Variants in KAZN observed in about 807,000 individuals in gnomAD.
KAZN encodes kazrin, periplakin interacting protein, also known as kazrin.
Under a neutral mutation model 87.4 loss-of-function variants are expected in KAZN, and 40 were observed. That is an observed-to-expected ratio of 0.46 (90% CI 0.36 to 0.60). The LOEUF is 0.60. Ranked by LOEUF, KAZN falls within the 20% of genes least tolerant of loss-of-function variation. The probability of loss-of-function intolerance (pLI) is 0.00; values close to 1 mark genes in which losing one functional copy is unlikely to be tolerated. For missense variants in KAZN, 898 were observed against 1,073.9 expected (o/e 0.84, Z 2.29); for synonymous variants, 466 against 458.3 (o/e 1.02, Z -0.22).
intron 1 of KAZN, among the ~76,000 whole-genome samples, chr1:14,707,489 C>T (rs1484962669): frequency 2.0e-5 from 3 of 152,222 alleles, no homozygotes; most frequent in Non-Finnish European, 4.4e-5. Context: ...CTTAAAAGGT[C>T]TCTTTCTGGA....
chr1:15,040,682 C>T (rs1408063202), intron 3 of KAZN, among the ~76,000 whole-genome samples: 3 of 151,972 alleles, frequency 2.0e-5, no homozygotes, highest in African/African-American at 4.8e-5. Context: ...AGGAGAATTG[C>T]TTGGACCCGG....
chr1:14,849,914 A>C (rs1264260476), intron 1 of KAZN, among the ~76,000 whole-genome samples: 1 of 150,118 alleles, frequency 6.7e-6, no homozygotes, highest in Non-Finnish European at 1.5e-5. Context: ...AAAGAAAGGC[A>C]CTTGGGTAGA....
At chr1:14,356,043 C>T (rs1658995831) in intron 2 of KAZN, among the ~76,000 whole-genome samples, 1 of 152,212 alleles carries the variant, frequency 6.6e-6, no homozygotes, top group African/African-American at 2.4e-5. Context: ...TACACTCCCA[C>T]CAATGGTGTA....
At chr1:14,740,319 C>T (rs1644052514) in intron 1 of KAZN, among the ~76,000 whole-genome samples, 1 of 152,210 alleles carries the variant, frequency 6.6e-6, no homozygotes, top group Non-Finnish European at 1.5e-5. Flanking sequence ...TAAACCGATG[C>T]AGAGAAAACT....
intron 2 of KAZN, among the ~76,000 whole-genome samples, chr1:14,502,042 A>G (rs1019067321): frequency 6.6e-5 from 10 of 152,168 alleles, no homozygotes; most frequent in Admixed American, 5.2e-4. Flanking sequence ...GTTAGTGGTG[A>G]TGGTTGCACT....
At chr1:14,288,529 C>T (rs1338824701) in intron 2 of KAZN, among the ~76,000 whole-genome samples, 1 of 152,122 alleles carries the variant, frequency 6.6e-6, no homozygotes, top group Non-Finnish European at 1.5e-5. Context: ...GTGATATCCC[C>T]TTTGTCATTT....
At chr1:14,546,867 G>A (rs1284420032) in intron 2 of KAZN, among the ~76,000 whole-genome samples, 1 of 152,108 alleles carries the variant, frequency 6.6e-6, no homozygotes, top group Non-Finnish European at 1.5e-5. Context: ...TGAAAACATT[G>A]TAACTGAAGT....
intron 13 of KAZN, among the ~76,000 whole-genome samples, chr1:15,109,723 ATATCTGTGTG>A: frequency 6.9e-6 from 1 of 144,144 alleles, no homozygotes; most frequent in Non-Finnish European, 1.5e-5. Context: ...TTGTGTGTAT[ATATCTGTGTG>A]TATGTGTGTT....
At chr1:15,050,116 T>G (rs1573188147) in intron 4 of KAZN, among the ~76,000 whole-genome samples, 1 of 72,270 alleles carries the variant, frequency 1.4e-5, no homozygotes, top group Non-Finnish European at 2.4e-5. Context: ...TAGAGTAGAG[T>G]AGTAGAGTAG....
At chr1:14,834,437 C>CTG (rs1039898322) in intron 1 of KAZN, among the ~76,000 whole-genome samples, 1 of 148,402 alleles carries the variant, frequency 6.7e-6, no homozygotes, top group African/African-American at 2.5e-5. Context: ...TCTCGGCTCA[C>CTG]TGCAAGCTCC....
chr1:15,060,514 G>C, intron 6 of KAZN: 1 of 645,966 alleles, frequency 1.5e-6, no homozygotes, highest in Non-Finnish European at 2.6e-6. Flanking sequence ...TTGTGTCCGG[G>C]AGGGTGAGGA....
At chr1:14,127,836 G>A (rs765337776) in intron 1 of KAZN, among the ~76,000 whole-genome samples, 5 of 152,258 alleles carry the variant, frequency 3.3e-5, no homozygotes, top group South Asian at 2.1e-4. Flanking sequence ...GAGAGGAGAC[G>A]TGGGCACTTG....
At chr1:15,026,094 C>T (rs751301038) in intron 2 of KAZN, among the ~76,000 whole-genome samples, 26 of 152,230 alleles carry the variant, frequency 1.7e-4, no homozygotes, top group Admixed American at 1.0e-3. Flanking sequence ...TTGCTGCCCT[C>T]GACTGGCCCT....
At chr1:15,058,033 T>C (rs1638458448) in intron 5 of KAZN, among the ~76,000 whole-genome samples, 2 of 152,314 alleles carry the variant, frequency 1.3e-5, no homozygotes, top group South Asian at 4.1e-4. Context: ...CACCCCCTCC[T>C]CCAGGAAGCC....
intron 4 of KAZN, among the ~76,000 whole-genome samples, chr1:15,048,612 C>CTGATCCTGGGTCGTCGGTCCTGGGTCGT (rs1673864514): frequency 1.2e-5 from 1 of 80,018 alleles, no homozygotes; most frequent in Non-Finnish European, 2.4e-5. Flanking sequence ...TCCTGGGTCG[C>CTGATCCTGGGTCGTCGGTCCTGGGTCGT]TGGTCCTGGG....
intron 2 of KAZN, among the ~76,000 whole-genome samples, chr1:14,967,018 C>G (rs1664530000): frequency 6.6e-6 from 1 of 152,144 alleles, no homozygotes; most frequent in African/African-American, 2.4e-5. Flanking sequence ...GGCTAGAAGA[C>G]TAGTCTGCAC....
chr1:14,360,315 C>G (rs1420993901), intron 2 of KAZN, among the ~76,000 whole-genome samples: 2 of 152,136 alleles, frequency 1.3e-5, no homozygotes, highest in Non-Finnish European at 2.9e-5. Flanking sequence ...CTTCTATAAA[C>G]TAGTTATTGT....
At chr1:14,694,045 A>G (rs747730727) in intron 1 of KAZN, among the ~76,000 whole-genome samples, 14 of 152,204 alleles carry the variant, frequency 9.2e-5, no homozygotes, top group Non-Finnish European at 1.5e-4. Flanking sequence ...TCCTTTTGAC[A>G]TTCCCTTTGA....
intron 1 of KAZN, among the ~76,000 whole-genome samples, chr1:14,753,107 A>T (rs1277103292): frequency 6.6e-6 from 1 of 152,188 alleles, no homozygotes; most frequent in Non-Finnish European, 1.5e-5. Context: ...TCAATTGCCG[A>T]CTGTTTACTG....
Sources: gnomAD v4.1 joint callset for allele counts (sites outside exome capture counted in the v4.1 genomes callset) on GRCh38, gnomAD v4.1.1 for gene constraint, MANE v1.5 for transcripts, NCBI Gene and HGNC (gene_info 2026-07-23, HGNC 2026-07-21) for gene names.